ABL1: variants seen among roughly 807,000 people sequenced by gnomAD.
ABL1 encodes ABL proto-oncogene 1, non-receptor tyrosine kinase.
Under a neutral mutation model 94.7 loss-of-function variants are expected in ABL1, and 11 were observed. The observed-to-expected ratio is 0.12, with a 90% CI of 0.07 to 0.19. The LOEUF is 0.19. ABL1 is among the 10% of genes least tolerant of loss of function. The probability of loss-of-function intolerance (pLI) is 1.00; values close to 1 mark genes in which losing one functional copy is unlikely to be tolerated. For synonymous variants in ABL1, 656 were observed against 622.4 expected (o/e 1.05, Z -0.80); for missense variants, 1,082 against 1,489.4 (o/e 0.73, Z 4.50).
intron 1 of ABL1, among the ~76,000 whole-genome samples, chr9:130,836,355 A>G (rs1438841932): frequency 6.6e-6 from 1 of 151,996 alleles, no homozygotes; most frequent in Non-Finnish European, 1.5e-5. Context: ...TTATAAATGG[A>G]AAAAAAGTAA....
chr9:130,736,260 T>C (rs1831741389), intron 1 of ABL1, among the ~76,000 whole-genome samples: 1 of 151,806 alleles, frequency 6.6e-6, no homozygotes, highest in African/African-American at 2.4e-5. Flanking sequence ...TGTATTAATA[T>C]AGAGTAATAG....
At chr9:130,842,034 G>C (rs1185452075) in intron 1 of ABL1, among the ~76,000 whole-genome samples, 4 of 146,956 alleles carry the variant, frequency 2.7e-5, no homozygotes, top group Non-Finnish European at 6.0e-5. Context: ...GACAGGAAAG[G>C]GAAAAAAAAA....
At chr9:130,797,236 G>GAAAAAAAAA (rs71389356) in intron 1 of ABL1, among the ~76,000 whole-genome samples, 1 of 55,168 alleles carries the variant, frequency 1.8e-5, no homozygotes, top group Admixed American at 2.8e-4. Flanking sequence ...ACTCCATCTC[G>GAAAAAAAAA]AAAAAAAAAA....
intron 7 of ABL1, among the ~76,000 whole-genome samples, chr9:130,875,390 G>A (rs140028213): frequency 5.3e-5 from 8 of 151,968 alleles, no homozygotes; most frequent in Non-Finnish European, 8.8e-5. Flanking sequence ...TGATCTGCCT[G>A]CCTTGGCCTC....
upstream of ABL1, chr9:130,833,948 T>C: frequency 2.2e-6 from 1 of 445,496 alleles, no homozygotes; most frequent in Non-Finnish European, 4.6e-6. Flanking sequence ...ACCAAAGATA[T>C]CCAATGCTTT....
chr9:130,735,961 A>ATTTTTTTTTT lies in ABL1; in HGVS notation c.136+21509_136+21518dup, dbSNP rs141181174. ...TATATATATATATATATATATATAT[A>ATTTTTTTTTT]TTTTTTTTTTTTAAGACAGGGTCTG... On this transcript the variant is annotated intron_variant, in intron 1 of 10. Transcript: ENST00000372348. 1.7e-3 allele frequency among the ~76,000 whole-genome samples: 164 copies of ATTTTTTTTTT among 94,830 alleles called. 4 individuals are homozygous for ATTTTTTTTTT. Among genetic ancestry groups the ATTTTTTTTTT allele is most frequent in the East Asian group, 0.014 (34 of 2,430 alleles). 62.2% of individuals were successfully genotyped at this position (94,830 alleles called of 152,430 possible).
intron 1 of ABL1, among the ~76,000 whole-genome samples, chr9:130,735,909 A>G (rs796270888): frequency 2.9e-5 from 3 of 104,534 alleles, no homozygotes; most frequent in African/African-American, 1.2e-4. Flanking sequence ...ATGTGTGTGT[A>G]TATGTGTGTG....
chr9:130,724,615 G>T (rs1311679185), intron 1 of ABL1, among the ~76,000 whole-genome samples: 1 of 151,844 alleles, frequency 6.6e-6, no homozygotes, highest in African/African-American at 2.4e-5. Context: ...TTTGAGACCA[G>T]CCTGGCCAAC....
Position 130,878,488 on chromosome 9 carries a change from G to A in ABL1, c.1344G>A (p.Val448=), listed in dbSNP as rs780341344. The part of the protein sequence containing the change: ...SPYPGIDLSQ[V]YELLEKDYRM... ...ACCCGGGAATTGACCTGTCCCAGGTGTATGAGCTGCTAGAGAAGGACTACC... is the reference window on the plus strand; with the variant it reads ...ACCCGGGAATTGACCTGTCCCAGGTATATGAGCTGCTAGAGAAGGACTACC... Residue 448 remains valine (V), a synonymous_variant, in exon 8 of 11, where the codon GTG becomes GTA. Coordinates refer to ENST00000318560, the MANE Select transcript of ABL1 (RefSeq NM_005157.6). 3.7e-6 allele frequency: 6 copies of A among 1,614,268 alleles called. No homozygotes were observed. The highest frequency in any genetic ancestry group is 5.1e-6 in the Non-Finnish European group (6 of 1,180,048).
In ABL1 at chr9:130,814,439, G is replaced by A. The variant is rs550748804; in HGVS notation, c.137-39625G>A. ...ACCCAGACTGATCAGGGGAAAAAAG[G>A]GAAGACAATAACTGTAATATCAGCA... On this transcript the variant is annotated intron_variant, in intron 1 of 10. Coordinates refer to the ABL1 transcript ENST00000372348. The surrounding 1 kb of genome is among the most constrained non-coding windows in gnomAD (Gnocchi z 4.4). 3.2e-4 allele frequency among the ~76,000 whole-genome samples: 49 copies of A among 152,312 alleles called. 2 individuals are homozygous for A. The South Asian group carries it at 9.8e-3, about 30-fold the overall frequency.
rs1588276447 is a variant in ABL1, at chr9:130,872,045, C to T, written c.823-84C>T. 7 of 1,241,396 alleles carry T rather than the reference C, an allele frequency of 5.6e-6. No homozygotes were observed. The East Asian group carries it at 7.2e-5, about 13-fold the overall frequency. 76.9% of individuals were successfully genotyped at this position (1,241,396 alleles called of 1,614,324 possible). On this transcript the variant is annotated intron_variant, in intron 4 of 10. Coordinates refer to ENST00000318560, the MANE Select transcript of ABL1 (RefSeq NM_005157.6). This position sits in a 1 kb window ranked among gnomAD's most constrained non-coding sequence, Gnocchi z 5.0. ...CCCAGGACGAGTATGCGCTGAAGCTCCATTTTGCATTAACTAGTCAAGTAC... is the reference window on the plus strand; with the variant it reads ...CCCAGGACGAGTATGCGCTGAAGCTTCATTTTGCATTAACTAGTCAAGTAC...
chr9:130,809,177 T>TA (rs1376724173), intron 1 of ABL1, among the ~76,000 whole-genome samples: 2 of 151,772 alleles, frequency 1.3e-5, no homozygotes, highest in Non-Finnish European at 2.9e-5. Flanking sequence ...CCCACTCGAG[T>TA]ATTCGGTTGA....
intron 1 of ABL1, among the ~76,000 whole-genome samples, chr9:130,757,851 T>C (rs1396938407): frequency 1.3e-5 from 2 of 151,984 alleles, no homozygotes; most frequent in Non-Finnish European, 2.9e-5. Flanking sequence ...AGGCATTTTT[T>C]TTATGTGTGT....
At chr9:130,843,707 GC>G (rs1466625254) in intron 1 of ABL1, among the ~76,000 whole-genome samples, 7 of 152,060 alleles carry the variant, frequency 4.6e-5, no homozygotes, top group Admixed American at 4.6e-4. Flanking sequence ...AGATGGGGAG[GC>G]CAGGAAGAGC....
intron 1 of ABL1, among the ~76,000 whole-genome samples, chr9:130,805,269 G>A (rs906866351): frequency 2.0e-5 from 3 of 152,066 alleles, no homozygotes; most frequent in Non-Finnish European, 2.9e-5. Flanking sequence ...TAGTAGAGAC[G>A]GGGTTTCACA....
intron 1 of ABL1, among the ~76,000 whole-genome samples, chr9:130,818,397 G>A (rs1014753336): frequency 6.6e-6 from 1 of 152,174 alleles, no homozygotes; most frequent in Non-Finnish European, 1.5e-5. Flanking sequence ...TTGAACCCTG[G>A]AGGAAGAGGT....
intron 1 of ABL1, among the ~76,000 whole-genome samples, chr9:130,843,755 T>C (rs891985727): frequency 2.0e-4 from 30 of 151,870 alleles, no homozygotes. Context: ...GGAGAGTAAA[T>C]GGCACTTGTC....
At chr9:130,836,715 C>T (rs748228651) in intron 1 of ABL1, among the ~76,000 whole-genome samples, 13 of 151,364 alleles carry the variant, frequency 8.6e-5, no homozygotes, top group Non-Finnish European at 1.5e-4. Flanking sequence ...ATCCCAGCTA[C>T]TCGGGAGGCT....
At chr9:130,767,418 C>T (rs766240504) in intron 1 of ABL1, among the ~76,000 whole-genome samples, 28 of 152,182 alleles carry the variant, frequency 1.8e-4, no homozygotes, top group Admixed American at 2.0e-4. Flanking sequence ...CTATAACCTC[C>T]GCCTCCCGGG....
Sources: gnomAD v4.1 joint callset for allele counts (sites outside exome capture counted in the v4.1 genomes callset) on GRCh38, gnomAD v4.1.1 for gene constraint, Gnocchi (gnomAD v3.1) non-coding constraint, MANE v1.5 for transcripts, NCBI Gene and HGNC (gene_info 2026-07-23, HGNC 2026-07-21) for gene names.